Variants in KCNMB2 observed in about 807,000 individuals in gnomAD.
KCNMB2 encodes the protein calcium-activated potassium channel subunit beta-2.
In KCNMB2, 9 loss-of-function variants were observed where a neutral mutation model predicts 24.5. The ratio of observed to expected loss-of-function variants is 0.37; its 90% confidence interval spans 0.22 to 0.64. KCNMB2 has a LOEUF of 0.64. Ranked by LOEUF, KCNMB2 falls within the 30% of genes least tolerant of loss-of-function variation. The pLI, the probability that KCNMB2 is intolerant of heterozygous loss-of-function variation, is 0.63. For synonymous variants in KCNMB2, 109 were observed against 104.4 expected (o/e 1.04, Z -0.27); for missense variants, 226 against 284.3 (o/e 0.79, Z 1.47).
At chr3:178,754,129 A>G (rs952349382) in intron 1 of KCNMB2, among the ~76,000 whole-genome samples, 2 of 140,470 alleles carry the variant, frequency 1.4e-5, no homozygotes, top group Non-Finnish European at 3.1e-5. Context: ...CCCCCTTTTC[A>G]TGGCTGAATA....
At chr3:178,616,466 A>G (rs968251006) in intron 1 of KCNMB2, among the ~76,000 whole-genome samples, 5 of 152,172 alleles carry the variant, frequency 3.3e-5, no homozygotes, top group African/African-American at 4.8e-5. Context: ...ACTGTATTCA[A>G]TGCCTCGAAA....
intron 1 of KCNMB2, among the ~76,000 whole-genome samples, chr3:178,752,379 C>CAT (rs1723879602): frequency 6.6e-6 from 1 of 152,066 alleles, no homozygotes; most frequent in South Asian, 2.1e-4. Context: ...AACATGGGAG[C>CAT]ATATGACCCA....
rs183579266 is a variant in KCNMB2 at position 178,760,045 on chromosome 3, T to G, written c.-67-47298T>G. Among the ~76,000 whole-genome samples, 32 of 37,696 alleles carry G rather than the reference T, an allele frequency of 8.5e-4. 4 individuals carry two copies. The highest frequency in any genetic ancestry group is 1.0e-3 in the Non-Finnish European group (23 of 22,664). 24.7% of individuals were successfully genotyped at this position (37,696 alleles called of 152,430 possible). On this transcript the variant is annotated intron_variant, in intron 1 of 4. Transcript: ENST00000452583. ...ATATCTATATATATATATATATATA[T>G]CCAAGAGGATATATCTATATATATA... is the stretch of plus-strand genomic sequence containing the variant.
intron 1 of KCNMB2, among the ~76,000 whole-genome samples, chr3:178,634,202 C>T (rs1375858167): frequency 6.6e-6 from 1 of 152,194 alleles, no homozygotes; most frequent in Non-Finnish European, 1.5e-5. Context: ...TGGTTCCCAC[C>T]TCTGTCTGTT....
At chr3:178,720,334 T>C (rs1399937913) in intron 1 of KCNMB2, among the ~76,000 whole-genome samples, 1 of 148,270 alleles carries the variant, frequency 6.7e-6, no homozygotes, top group Non-Finnish European at 1.5e-5. Context: ...GGCTGCATAG[T>C]ATTCCATGGT....
At position 178,662,689 on chromosome 3, in the gene KCNMB2, TGAAAAA is replaced by T. The variant is rs1577080570; in HGVS notation, c.-68+125979_-68+125984del. Reference sequence around the variant, plus strand: ...AAGTGTGAGTATGAAATAACAAATATGAAAAAATTACACTATTTCACTACTAATTTA... The same window carrying T: ...AAGTGTGAGTATGAAATAACAAATATATTACACTATTTCACTACTAATTTA... On this transcript the variant is annotated intron_variant, in intron 1 of 4. Coordinates refer to ENST00000452583, the MANE Select transcript of KCNMB2 (RefSeq NM_181361.3). 2.6e-5 allele frequency among the ~76,000 whole-genome samples: 4 copies of T among 152,202 alleles called. No individual in the cohort carries two copies. The East Asian group carries it at 5.8e-4, about 22-fold the overall frequency.
At chr3:178,773,642 T>C (rs1348579120) in intron 1 of KCNMB2, among the ~76,000 whole-genome samples, 1 of 152,204 alleles carries the variant, frequency 6.6e-6, no homozygotes, top group Non-Finnish European at 1.5e-5. Flanking sequence ...TCCAGATCCA[T>C]ATTCTTTTTT....
At chr3:178,710,105 G>T (rs1464700980) in intron 1 of KCNMB2, among the ~76,000 whole-genome samples, 1 of 151,872 alleles carries the variant, frequency 6.6e-6, no homozygotes, top group Admixed American at 6.6e-5. Context: ...TAGCCTCCAG[G>T]GACCTGAAGT....
intron 1 of KCNMB2, among the ~76,000 whole-genome samples, chr3:178,646,113 G>T (rs1457446646): frequency 6.6e-6 from 1 of 152,110 alleles, no homozygotes; most frequent in Non-Finnish European, 1.5e-5. Context: ...AACAAAAAAG[G>T]TGACAGTGTC....
intron 1 of KCNMB2, among the ~76,000 whole-genome samples, chr3:178,614,168 G>C (rs1378538029): frequency 2.1e-5 from 3 of 140,054 alleles, no homozygotes; most frequent in Non-Finnish European, 3.1e-5. Context: ...AATTATTTCT[G>C]TCTCTTTGTT....
At chr3:178,722,468 T>C (rs866635563) in intron 1 of KCNMB2, among the ~76,000 whole-genome samples, 1 of 152,264 alleles carries the variant, frequency 6.6e-6, no homozygotes, top group Non-Finnish European at 1.5e-5. Flanking sequence ...TGAGAGAGGA[T>C]AAGAAAGCAC....
chr3:178,790,060 T>C lies in KCNMB2; in HGVS notation c.-67-17283T>C, dbSNP rs893882553. ...AGAGAACTTTGTCTTGGAACTTGGA[T>C]ACCAGCCCAACCACAGTGGAATATG... On this transcript the variant is annotated intron_variant, in intron 1 of 4. Transcript: ENST00000452583. Among the ~76,000 whole-genome samples, 6 of 151,622 alleles carry C rather than the reference T, an allele frequency of 4.0e-5. 1 individual carries two copies. Among genetic ancestry groups the C allele is most frequent in the African/African-American group, 1.5e-4 (6 of 41,254 alleles).
intron 1 of KCNMB2, among the ~76,000 whole-genome samples, chr3:178,767,081 A>G (rs1712152556): frequency 6.6e-6 from 1 of 152,226 alleles, no homozygotes; most frequent in Non-Finnish European, 1.5e-5. Context: ...GGTACTAAAT[A>G]TCCTACAATG....
At chr3:178,590,904 C>T (rs1358320779) in intron 1 of KCNMB2, among the ~76,000 whole-genome samples, 1 of 152,062 alleles carries the variant, frequency 6.6e-6, no homozygotes, top group Non-Finnish European at 1.5e-5. Flanking sequence ...ATTCTTTTTC[C>T]CCCAAACATT....
At position 178,826,330 on chromosome 3, in the gene KCNMB2, A is replaced by G. The variant is rs529521153; in HGVS notation, c.227+572A>G. ...TCAGATTTAATTGGTCCGGAGTGGG[A>G]CCCAGTCACCAGTATCTATTAAAGC... On this transcript the variant is annotated intron_variant, in intron 3 of 4. Transcript: ENST00000452583. Among the ~76,000 whole-genome samples the G allele has an allele frequency of 2.3e-4, 35 of 152,324 alleles. 1 individual carries two copies. Among genetic ancestry groups the G allele is most frequent in the Admixed American group, 2.2e-3 (34 of 15,302 alleles).
intron 1 of KCNMB2, among the ~76,000 whole-genome samples, chr3:178,703,311 G>A (rs1722167236): frequency 6.6e-6 from 1 of 152,124 alleles, no homozygotes; most frequent in Non-Finnish European, 1.5e-5. Context: ...GAATGTTTTT[G>A]GAGTTGGGAT....
chr3:178,765,096 T>C (rs745992052), intron 1 of KCNMB2, among the ~76,000 whole-genome samples: 5 of 152,216 alleles, frequency 3.3e-5, no homozygotes, highest in Non-Finnish European at 5.9e-5. Context: ...CCAAGCTAAA[T>C]TGTACACTAT....
chr3:178,672,200 C>T (rs922894684), intron 1 of KCNMB2, among the ~76,000 whole-genome samples: 18 of 152,116 alleles, frequency 1.2e-4, no homozygotes, highest in South Asian at 2.1e-4. Flanking sequence ...GCATTTTCTA[C>T]GTTCCAGGAC....
chr3:178,666,952 CCTACA>C (rs1161578181), intron 1 of KCNMB2, among the ~76,000 whole-genome samples: 2 of 152,116 alleles, frequency 1.3e-5, no homozygotes, highest in East Asian at 3.8e-4. Flanking sequence ...TTGCACATAA[CCTACA>C]CAAGTTTTCC....
Sources: gnomAD v4.1 joint callset for allele counts (sites outside exome capture counted in the v4.1 genomes callset) on GRCh38, gnomAD v4.1.1 for gene constraint, MANE v1.5 for transcripts, NCBI Gene and HGNC (gene_info 2026-07-23, HGNC 2026-07-21) for gene names.